ZEB2: variants seen among roughly 807,000 people sequenced by gnomAD.
ZEB2 encodes zinc finger E-box-binding homeobox 2.
A neutral mutation model predicts 99.9 loss-of-function variants in ZEB2; 6 were observed. The ratio of observed to expected loss-of-function variants is 0.06; its 90% CI spans 0.03 to 0.12. ZEB2 has a LOEUF of 0.12. Among genes scored for constraint, ZEB2 ranks in the 10% least tolerant of loss-of-function variants. The probability of loss-of-function intolerance (pLI) is 1.00; values close to 1 mark genes in which losing one functional copy is unlikely to be tolerated. For synonymous variants in ZEB2, 517 were observed against 542.5 expected (o/e 0.95, Z 0.65); for missense variants, 969 against 1,502.8 (o/e 0.64, Z 5.87).
intron 5 of ZEB2, among the ~76,000 whole-genome samples, chr2:144,404,510 C>A (rs892594358): frequency 4.6e-5 from 7 of 151,930 alleles, no homozygotes; most frequent in African/African-American, 1.7e-4. Flanking sequence ...TGGAGAAGAA[C>A]AAAAGGTGAG....
rs1055952649 is a variant in ZEB2 at position 144,407,488 on chromosome 2, G to A, written c.404-2464C>T. Among the ~76,000 whole-genome samples the A allele has an allele frequency of 2.6e-5, 4 of 152,178 alleles. No homozygotes were observed. In the East Asian group the frequency reaches 5.8e-4, roughly 22 times the overall value. Reference sequence around the variant, plus strand: ...ACTTGCATCACTGAGCCCCTATGGAGTATGTAGAAACTGTCAACTTGCATA... The same window carrying A: ...ACTTGCATCACTGAGCCCCTATGGAATATGTAGAAACTGTCAACTTGCATA... On this transcript the variant is annotated intron_variant, in intron 4 of 9. Coordinates refer to ENST00000627532, the MANE Select transcript of ZEB2 (RefSeq NM_014795.4).
At chr2:144,412,127 G>A (rs1013195628) in intron 4 of ZEB2, among the ~76,000 whole-genome samples, 6 of 152,144 alleles carry the variant, frequency 3.9e-5, no homozygotes, top group African/African-American at 7.2e-5. Context: ...AAATTAGCCG[G>A]GTGTGGTGGC....
Position 144,429,946 on chromosome 2 carries a change from T to A in ZEB2, c.154A>T (p.Ile52Phe). 1.2e-6 allele frequency: 2 copies of A among 1,613,880 alleles called. No homozygotes were observed. The highest frequency in any genetic ancestry group is 1.7e-6 in the Non-Finnish European group (2 of 1,179,890). ...DKLHIAEDDG[I>F]ANPLDQETSP... ...GTCTCCTGGTCCAGAGGGTTGGCAATACCGTCATCCTCAGCAATATGAAGC... is the reference window on the plus strand; with the variant it reads ...GTCTCCTGGTCCAGAGGGTTGGCAAAACCGTCATCCTCAGCAATATGAAGC... Residue 52 changes from isoleucine (I) to phenylalanine (F), a missense_variant, in exon 3 of 10, where the codon ATT becomes TTT. Coordinates refer to ENST00000627532, the MANE Select transcript of ZEB2 (RefSeq NM_014795.4).
intron 2 of ZEB2, among the ~76,000 whole-genome samples, chr2:144,453,718 G>A (rs921800783): frequency 1.3e-5 from 2 of 152,078 alleles, no homozygotes; most frequent in Non-Finnish European, 2.9e-5. Flanking sequence ...CTTTTGTGGC[G>A]ACAAAGCAAG....
chr2:144,393,615 G>C (rs73964990), intron 9 of ZEB2, among the ~76,000 whole-genome samples: 112 of 152,294 alleles, frequency 7.4e-4, no homozygotes, highest in African/African-American at 2.6e-3. Flanking sequence ...AATTGGGATA[G>C]GAACATGGAC....
intron 2 of ZEB2, chr2:144,464,388 C>T (rs1704242315): frequency 6.6e-6 from 1 of 152,130 alleles, no homozygotes; most frequent in Non-Finnish European, 1.5e-5. Context: ...ATATTTAAAT[C>T]TACCATTTGG....
chr2:144,453,094 G>T (rs1176278157), intron 2 of ZEB2, among the ~76,000 whole-genome samples: 4 of 152,048 alleles, frequency 2.6e-5, no homozygotes, highest in African/African-American at 7.3e-5. Flanking sequence ...TGCTAACGGC[G>T]CAGTCATCAA....
intron 1 of ZEB2, 69 bp downstream of exon 1, chr2:144,519,870 A>G (rs1705237316): frequency 1.0e-5 from 4 of 383,194 alleles, no homozygotes; most frequent in Admixed American, 3.5e-5. Context: ...AAAATTAGAA[A>G]AGGAGGATGG....
chr2:144,413,031 C>G (rs1375214304), intron 4 of ZEB2, among the ~76,000 whole-genome samples: 1 of 152,188 alleles, frequency 6.6e-6, no homozygotes, highest in Non-Finnish European at 1.5e-5. Context: ...ATTTCCTCAT[C>G]TGTAAAATGA....
intron 2 of ZEB2, among the ~76,000 whole-genome samples, chr2:144,442,278 T>A (rs534725316): frequency 6.6e-6 from 1 of 152,326 alleles, no homozygotes; most frequent in African/African-American, 2.4e-5. Context: ...CACTGTTGCA[T>A]ATATGCTCTT....
intron 1 of ZEB2, chr2:144,517,639 A>C (rs1225077708): frequency 1.5e-6 from 1 of 649,840 alleles, no homozygotes; most frequent in Admixed American, 2.2e-5. Flanking sequence ...CCGCGAGGGG[A>C]TCAGAGAGAC....
Position 144,399,197 on chromosome 2 carries a change from C to A in ZEB2, c.1990G>T (p.Ala664Ser), listed in dbSNP as rs2149876917. 6.2e-7 allele frequency: 1 copy of A among 1,614,116 alleles called. No homozygotes were observed. Among genetic ancestry groups the A allele is most frequent in the East Asian group, 2.2e-5 (1 of 44,886 alleles). Residue 664 changes from alanine (A) to serine (S), a missense_variant, in exon 8 of 10, where the codon GCT becomes TCT. Ala to Ser is a moderately conservative substitution (Grantham distance 99). Transcript: ENST00000627532. This position sits in a 1 kb window ranked among gnomAD's most constrained non-coding sequence, Gnocchi z 5.6. ...DHMSVLKAYY[A>S]MNMEPNSDEL... Reference sequence around the variant, plus strand: ...TCGGAGTTGGGCTCCATGTTCATAGCATAGTATGCTTTGAGTACAGACATG... The same window carrying A: ...TCGGAGTTGGGCTCCATGTTCATAGAATAGTATGCTTTGAGTACAGACATG...
chr2:144,404,670 A>C (rs1446844560), intron 5 of ZEB2, among the ~76,000 whole-genome samples, 166 bp downstream of exon 5: 4 of 152,248 alleles, frequency 2.6e-5, no homozygotes. Context: ...CTGACAAAAA[A>C]ATTTCACAAT....
At position 144,441,164 on chromosome 2, in the gene ZEB2, C is replaced by CGAGAGAGAGAGAGAGAGAGAGAGAGA. The variant is rs113731061; in HGVS notation, c.74-11164_74-11139dup. ...CCTTCCTTCTCTTCCTTTAGCTGCA[C>CGAGAGAGAGAGAGAGAGAGAGAGAGA]GAGAGAGAGAGAGAGAGAGAGAGAG... On this transcript the variant is annotated intron_variant, in intron 2 of 9. Transcript: ENST00000627532. Among the ~76,000 whole-genome samples the CGAGAGAGAGAGAGAGAGAGAGAGAGA allele has an allele frequency of 1.1e-3, 100 of 88,914 alleles. 6 individuals carry two copies. Among genetic ancestry groups the CGAGAGAGAGAGAGAGAGAGAGAGAGA allele is most frequent in the Non-Finnish European group, 1.4e-3 (67 of 46,772 alleles). 58.3% of individuals were successfully genotyped at this position (88,914 alleles called of 152,430 possible).
chr2:144,512,232 C>T, intron 2 of ZEB2: 1 of 1,287,204 alleles, frequency 7.8e-7, no homozygotes, highest in Non-Finnish European at 1.0e-6. Flanking sequence ...CTTGGGAAGC[C>T]ACGGTGCTGA....
At chr2:144,433,493 A>G (rs1703799693) in intron 2 of ZEB2, among the ~76,000 whole-genome samples, 1 of 152,196 alleles carries the variant, frequency 6.6e-6, no homozygotes, top group Non-Finnish European at 1.5e-5. Flanking sequence ...ATGTGGAATC[A>G]TATTAAAGTT....
chr2:144,398,464 G>A lies in ZEB2; in HGVS notation c.2723C>T (p.Thr908Ile). 6.2e-7 allele frequency: 1 copy of A among 1,614,094 alleles called. No homozygotes were observed. Among genetic ancestry groups the A allele is most frequent in the South Asian group, 1.1e-5 (1 of 91,074 alleles). The change falls in exon 8 of 10, where the codon ACT becomes ATT. Residue 908 changes from threonine to isoleucine, a missense_variant. Thr to Ile is a moderately conservative substitution (Grantham distance 89, BLOSUM62 -1). Transcript: ENST00000627532. ...ACTGGTCTGGACTGGTGGCATGAAA[G>A]TAGCAGGGGGAAATGCGCTTTGAGG... Reference protein sequence around the residue: ...LPPQSAFPPATFMPPVQTSIP... With the variant: ...LPPQSAFPPAIFMPPVQTSIP...
Position 144,389,409 on chromosome 2 carries a change from C to G in ZEB2, c.*42G>C. The G allele has an allele frequency of 6.2e-7, 1 of 1,608,644 alleles. No homozygotes were observed. Among genetic ancestry groups the G allele is most frequent in the Non-Finnish European group, 8.5e-7 (1 of 1,175,246 alleles). On this transcript the variant is annotated 3_prime_UTR_variant, in exon 10 of 10. Transcript: ENST00000627532. This position sits in a 1 kb window ranked among gnomAD's most constrained non-coding sequence, Gnocchi z 6.8. ...CAGTGTTTTCAAGCAGGTAACAATACTACTGGAAAAAAAAATAGGAAGCTT... is the reference window on the plus strand; with the variant it reads ...CAGTGTTTTCAAGCAGGTAACAATAGTACTGGAAAAAAAAATAGGAAGCTT...
intron 2 of ZEB2, chr2:144,430,427 T>C (rs1236009256): frequency 4.3e-6 from 1 of 234,536 alleles, no homozygotes; most frequent in East Asian, 1.2e-4. Flanking sequence ...AATGTTGTAC[T>C]ATAAATACGA....
Sources: gnomAD v4.1 joint callset for allele counts (sites outside exome capture counted in the v4.1 genomes callset) on GRCh38, gnomAD v4.1.1 for gene constraint, Gnocchi (gnomAD v3.1) non-coding constraint, MANE v1.5 for transcripts, NCBI Gene and HGNC (gene_info 2026-07-23, HGNC 2026-07-21) for gene names.